Variants in XKR9 observed in about 807,000 individuals in gnomAD.
XKR9 encodes XK-related protein 9.
XKR9 carries 32 observed loss-of-function variants against 32.0 expected under a neutral mutation model. The ratio of observed to expected loss-of-function variants is 1.00; its 90% CI spans 0.76 to 1.34. The LOEUF (loss-of-function observed/expected upper bound fraction) is 1.34, where lower values mean the gene tolerates loss of function less well. XKR9 is among the 40% of genes most tolerant of loss of function. The probability of loss-of-function intolerance (pLI) is 0.00; values close to 1 mark genes in which losing one functional copy is unlikely to be tolerated. For synonymous variants in XKR9, 168 were observed against 143.4 expected, an observed-to-expected ratio of 1.17 and a Z score of -1.22; for missense variants, 546 against 429.7, an observed-to-expected ratio of 1.27 and a Z score of -2.39.
At chr8:70,889,616 A>T in the XKR9 span, among the ~76,000 whole-genome samples, 1 of 151,684 alleles carries the variant, frequency 6.6e-6, no homozygotes, top group African/African-American at 2.4e-5. Flanking sequence ...TGAGTACCTG[A>T]TATTTAGTTT....
the XKR9 span, among the ~76,000 whole-genome samples, chr8:70,957,783 C>T: frequency 8.3e-5 from 7 of 84,806 alleles, no homozygotes; most frequent in Admixed American, 1.6e-4. Context: ...TTCAGTCTAT[C>T]TTTTTTTTTT....
chr8:70,766,393 T>A (rs1268715656), intron 2 of XKR9, among the ~76,000 whole-genome samples: 1 of 152,072 alleles, frequency 6.6e-6, no homozygotes, highest in Non-Finnish European at 1.5e-5. Context: ...CACTCATGAT[T>A]TGACTCTGTG....
intron 3 of XKR9, among the ~76,000 whole-genome samples, chr8:70,700,059 T>G (rs1249782999): frequency 6.6e-6 from 1 of 152,224 alleles, no homozygotes; most frequent in African/African-American, 2.4e-5. Context: ...CTCTCTGTAT[T>G]GGTTATTCTA....
the XKR9 span, among the ~76,000 whole-genome samples, chr8:70,855,312 C>T: frequency 1.1e-4 from 16 of 151,964 alleles, no homozygotes; most frequent in South Asian, 4.2e-4. Flanking sequence ...AACCACAGCA[C>T]GAGAACTACA....
the XKR9 span, among the ~76,000 whole-genome samples, chr8:70,891,102 T>A: frequency 2.0e-5 from 3 of 151,996 alleles, no homozygotes; most frequent in African/African-American, 7.2e-5. Flanking sequence ...GAATAATCTC[T>A]AATGAGATTT....
chr8:70,805,872 A>G, the XKR9 span, among the ~76,000 whole-genome samples: 3 of 152,120 alleles, frequency 2.0e-5, no homozygotes, highest in Non-Finnish European at 4.4e-5. Flanking sequence ...GCTTCCCCCT[A>G]GTGAAGCACA....
chr8:70,944,483 C>T, the XKR9 span, among the ~76,000 whole-genome samples: 59 of 152,276 alleles, frequency 3.9e-4, no homozygotes, highest in South Asian at 3.5e-3. Flanking sequence ...AGTGTGAGGT[C>T]TTATGGAAAA....
the XKR9 span, among the ~76,000 whole-genome samples, chr8:70,811,825 G>C: frequency 3.9e-4 from 59 of 151,814 alleles, no homozygotes; most frequent in Non-Finnish European, 7.2e-4. Flanking sequence ...AAAGAGTCCA[G>C]GACCAGATGG....
the XKR9 span, among the ~76,000 whole-genome samples, chr8:70,949,161 ACAT>A: frequency 1.3e-5 from 2 of 152,204 alleles, no homozygotes; most frequent in Admixed American, 1.3e-4. Flanking sequence ...GACATTTTAT[ACAT>A]TTTCACCTGG....
chr8:71,020,581 T>G, the XKR9 span, among the ~76,000 whole-genome samples: 1 of 152,250 alleles, frequency 6.6e-6, no homozygotes, highest in Admixed American at 6.5e-5. Flanking sequence ...CATAAAAGTC[T>G]AATTTCTCTG....
At chr8:71,039,871 C>T in the XKR9 span, among the ~76,000 whole-genome samples, 10 of 152,172 alleles carry the variant, frequency 6.6e-5, no homozygotes, top group South Asian at 2.1e-3. Flanking sequence ...TTCAATATTT[C>T]CCTCTCTCCA....
At chr8:70,767,499 T>TTC (rs1563473878) in intron 2 of XKR9, among the ~76,000 whole-genome samples, 2 of 65,234 alleles carry the variant, frequency 3.1e-5, no homozygotes, top group Admixed American at 2.3e-4. Flanking sequence ...TTTCCTTCTT[T>TTC]TTTTTTTTTT....
chr8:70,828,119 G>T, the XKR9 span, among the ~76,000 whole-genome samples: 11 of 152,218 alleles, frequency 7.2e-5, no homozygotes, highest in Admixed American at 4.6e-4. Context: ...ACGAAGTTAG[G>T]GTTTTGTTTC....
the XKR9 span, among the ~76,000 whole-genome samples, chr8:70,851,445 A>G: frequency 7.2e-5 from 11 of 152,204 alleles, no homozygotes; most frequent in South Asian, 2.1e-4. Flanking sequence ...TAAATTTCAT[A>G]TGGAACCAAA....
At chr8:70,880,625 C>G in the XKR9 span, among the ~76,000 whole-genome samples, 105 of 152,178 alleles carry the variant, frequency 6.9e-4, no homozygotes, top group East Asian at 0.018. Context: ...TAAAAGAGGA[C>G]ACAAACAAAT....
the XKR9 span, among the ~76,000 whole-genome samples, chr8:70,929,042 A>G: frequency 6.6e-6 from 1 of 152,174 alleles, no homozygotes; most frequent in Non-Finnish European, 1.5e-5. Flanking sequence ...GAATGTGATC[A>G]TAGTAGTAAA....
the XKR9 span, among the ~76,000 whole-genome samples, chr8:70,975,165 T>A: frequency 2.6e-5 from 4 of 152,188 alleles, no homozygotes; most frequent in East Asian, 1.9e-4. Flanking sequence ...GAGTAGATTT[T>A]AAAAATTTTC....
At chr8:70,727,797 A>T (rs1806524925) in intron 4 of XKR9, among the ~76,000 whole-genome samples, 1 of 151,870 alleles carries the variant, frequency 6.6e-6, no homozygotes. Context: ...AGGGAGGAGA[A>T]ACTGTCTTCT....
chr8:70,941,186 G>A, the XKR9 span, among the ~76,000 whole-genome samples: 4 of 151,346 alleles, frequency 2.6e-5, no homozygotes, highest in African/African-American at 9.7e-5. Flanking sequence ...TACATATTCT[G>A]GATATTTTAT....
Sources: allele counts gnomAD v4.1 joint callset (sites outside exome capture counted in the v4.1 genomes callset), GRCh38; gene constraint gnomAD v4.1.1; transcripts MANE v1.5; gene names NCBI Gene and HGNC (gene_info 2026-07-23, HGNC 2026-07-21).